TAFA2: variants seen among roughly 807,000 people sequenced by gnomAD.
TAFA2 encodes the protein TAFA chemokine like family member 2.
In TAFA2, 7 loss-of-function variants were observed where a neutral mutation model predicts 18.8. The ratio of observed to expected loss-of-function variants is 0.37; its 90% confidence interval spans 0.21 to 0.70. The LOEUF is 0.70. Among genes scored for constraint, TAFA2 ranks in the 30% least tolerant of loss-of-function variants. The probability of loss-of-function intolerance (pLI) is 0.53; values close to 1 mark genes in which losing one functional copy is unlikely to be tolerated. For synonymous variants in TAFA2, 60 were observed against 54.2 expected (o/e 1.11, Z -0.47); for missense variants, 122 against 158.1 (o/e 0.77, Z 1.23).
intron 1 of TAFA2, among the ~76,000 whole-genome samples, chr12:62,106,964 C>G (rs993037626): frequency 6.6e-6 from 1 of 152,100 alleles, no homozygotes. Flanking sequence ...CTGCTGTTCC[C>G]CCTGTTGACA....
chr12:61,866,053 C>T (rs193221839), intron 2 of TAFA2, among the ~76,000 whole-genome samples: 7 of 152,180 alleles, frequency 4.6e-5, no homozygotes, highest in Non-Finnish European at 7.4e-5. Context: ...TTTAATTTTA[C>T]ACTGATAAAA....
intron 1 of TAFA2, among the ~76,000 whole-genome samples, chr12:62,242,779 G>C (rs1170633515): frequency 6.6e-6 from 1 of 152,210 alleles, no homozygotes; most frequent in Non-Finnish European, 1.5e-5. Flanking sequence ...GCTGGGCATA[G>C]TCTATAAGGG....
At chr12:62,147,465 T>C (rs1350505464) in intron 1 of TAFA2, among the ~76,000 whole-genome samples, 1 of 149,378 alleles carries the variant, frequency 6.7e-6, no homozygotes, top group Non-Finnish European at 1.5e-5. Flanking sequence ...GCATGGTGGC[T>C]CACGCCTGTA....
intron 1 of TAFA2, among the ~76,000 whole-genome samples, chr12:61,873,395 C>G (rs1244866381): frequency 2.0e-5 from 3 of 151,906 alleles, no homozygotes; most frequent in Non-Finnish European, 2.9e-5. Flanking sequence ...TGGTGTGCTG[C>G]TCTTTCAAGA....
intron 2 of TAFA2, among the ~76,000 whole-genome samples, chr12:61,847,692 T>C (rs764035266): frequency 7.2e-5 from 11 of 152,234 alleles, no homozygotes; most frequent in Non-Finnish European, 1.5e-4. Context: ...GTGCATCACC[T>C]ATCTTTGACC....
intron 1 of TAFA2, among the ~76,000 whole-genome samples, chr12:61,882,631 C>T (rs573620669): frequency 1.3e-5 from 2 of 152,102 alleles, no homozygotes; most frequent in Admixed American, 6.5e-5. Flanking sequence ...TTCTTGGTAT[C>T]GTCTTTCAAA....
At chr12:61,897,498 T>C (rs1236504611) in intron 1 of TAFA2, among the ~76,000 whole-genome samples, 1 of 152,138 alleles carries the variant, frequency 6.6e-6, no homozygotes, top group Non-Finnish European at 1.5e-5. Context: ...CTTACTATCA[T>C]AGCAGAAGGG....
chr12:61,812,429 T>C (rs886977349), intron 2 of TAFA2, among the ~76,000 whole-genome samples: 1 of 151,468 alleles, frequency 6.6e-6, no homozygotes, highest in African/African-American at 2.5e-5. Flanking sequence ...CAGGGTCAGA[T>C]GGTGTCTGAG....
chr12:61,991,096 A>G (rs1255272712), intron 1 of TAFA2, among the ~76,000 whole-genome samples: 1 of 152,184 alleles, frequency 6.6e-6, no homozygotes, highest in Non-Finnish European at 1.5e-5. Context: ...CTTTTCTGGA[A>G]CCAGGTTGTC....
chr12:62,092,326 C>A (rs1429802345), intron 1 of TAFA2, among the ~76,000 whole-genome samples: 15 of 151,996 alleles, frequency 9.9e-5, no homozygotes, highest in Non-Finnish European at 1.8e-4. Context: ...TACCCCATTT[C>A]TCTTCAACTA....
intron 1 of TAFA2, among the ~76,000 whole-genome samples, chr12:62,047,032 A>G (rs923700022): frequency 3.9e-5 from 6 of 152,060 alleles, no homozygotes; most frequent in African/African-American, 1.2e-4. Context: ...ACCCATAGAA[A>G]ATGTGCATCA....
chr12:61,830,249 T>C (rs959053998), intron 2 of TAFA2, among the ~76,000 whole-genome samples: 1 of 150,230 alleles, frequency 6.7e-6, no homozygotes. Context: ...TAACATTTTA[T>C]GTATCTAGTC....
chr12:61,739,192 A>T (rs1488527909), intron 4 of TAFA2, among the ~76,000 whole-genome samples: 1 of 152,088 alleles, frequency 6.6e-6, no homozygotes, highest in Non-Finnish European at 1.5e-5. Context: ...TTGGGATATG[A>T]ACTCAAGTAA....
chr12:62,089,599 G>C (rs1270450050), intron 1 of TAFA2, among the ~76,000 whole-genome samples: 1 of 151,974 alleles, frequency 6.6e-6, no homozygotes, highest in Admixed American at 6.6e-5. Context: ...AGAAAGGATG[G>C]GGGAGACAGA....
At chr12:61,765,396 G>T (rs1869744840) in intron 2 of TAFA2, among the ~76,000 whole-genome samples, 1 of 151,962 alleles carries the variant, frequency 6.6e-6, no homozygotes. Context: ...GTAATCATAG[G>T]CTATGTTAAG....
chr12:61,929,701 C>T (rs1877470975), intron 1 of TAFA2, among the ~76,000 whole-genome samples: 1 of 151,880 alleles, frequency 6.6e-6, no homozygotes, highest in Non-Finnish European at 1.5e-5. Flanking sequence ...AAGACACATG[C>T]ACATGTATGT....
intron 1 of TAFA2, among the ~76,000 whole-genome samples, chr12:62,044,512 G>C (rs547661124): frequency 7.6e-4 from 116 of 152,176 alleles, no homozygotes; most frequent in African/African-American, 2.6e-3. Flanking sequence ...CTGAATTCTG[G>C]CTTACACCAG....
At chr12:62,240,108 A>G (rs917800659) in intron 1 of TAFA2, among the ~76,000 whole-genome samples, 7 of 151,410 alleles carry the variant, frequency 4.6e-5, no homozygotes, top group Non-Finnish European at 7.4e-5. Flanking sequence ...TAAATATGTT[A>G]TATAATGATA....
intron 1 of TAFA2, chr12:61,879,364 G>C: frequency 1.4e-6 from 1 of 731,456 alleles, no homozygotes; most frequent in Non-Finnish European, 2.3e-6. Context: ...TCCACCTCTG[G>C]CCCCCGGGCC....
Sources: allele counts gnomAD v4.1 joint callset (sites outside exome capture counted in the v4.1 genomes callset), GRCh38; gene constraint gnomAD v4.1.1; transcripts MANE v1.5; gene names NCBI Gene and HGNC (gene_info 2026-07-23, HGNC 2026-07-21).